The following CD163L1 variants were observed in gnomAD, a reference collection of about 807,000 sequenced individuals.
The protein encoded by CD163L1 is CD163 molecule like 1.
In CD163L1, 124 loss-of-function variants were observed where a neutral mutation model predicts 165.4. The observed-to-expected ratio is 0.75, with a 90% confidence interval of 0.65 to 0.87. CD163L1 has a LOEUF of 0.87. CD163L1 is among the 40% of genes least tolerant of loss of function. The pLI, the probability that CD163L1 is intolerant of heterozygous loss-of-function variation, is 0.00. For synonymous variants in CD163L1, 585 were observed against 662.2 expected, an observed-to-expected ratio of 0.88 and a Z score of 1.79; for missense variants, 1,525 against 1,799.9, an observed-to-expected ratio of 0.85 and a Z score of 2.76.
intron 8 of CD163L1, among the ~76,000 whole-genome samples, chr12:7,393,527 C>G (rs999882577): frequency 1.3e-5 from 2 of 152,184 alleles, no homozygotes; most frequent in Admixed American, 1.3e-4. Flanking sequence ...CAAGAATGCC[C>G]TCTCTTACCA....
At chr12:7,390,763 G>C (rs933808810) in intron 8 of CD163L1, among the ~76,000 whole-genome samples, 1 of 152,116 alleles carries the variant, frequency 6.6e-6, no homozygotes, top group African/African-American at 2.4e-5. Flanking sequence ...TATAGACTAA[G>C]GAATAAATAT....
chr12:7,389,410 CAGG>C (rs1336314076), intron 8 of CD163L1, among the ~76,000 whole-genome samples: 3 of 152,038 alleles, frequency 2.0e-5, no homozygotes, highest in African/African-American at 7.2e-5. Context: ...AAGCCAGGTA[CAGG>C]AAGGCAAACA....
chr12:7,323,813 T>C, the CD163L1 span, among the ~76,000 whole-genome samples: 1 of 152,090 alleles, frequency 6.6e-6, no homozygotes, highest in Non-Finnish European at 1.5e-5. Context: ...GTGCTAGAGG[T>C]AGAAGAGGGG....
At chr12:7,417,624 G>T (rs1018239405) in intron 4 of CD163L1, among the ~76,000 whole-genome samples, 7 of 152,056 alleles carry the variant, frequency 4.6e-5, no homozygotes, top group Non-Finnish European at 1.0e-4. Context: ...ACCATGAAGG[G>T]ATGTTGAATT....
intron 17 of CD163L1, 50 bp from the exon 18 acceptor site, chr12:7,367,381 C>G: frequency 8.2e-7 from 1 of 1,213,632 alleles, no homozygotes; most frequent in East Asian, 2.3e-5. Flanking sequence ...TGGCCTATCC[C>G]TTATATTAGG....
the CD163L1 span, among the ~76,000 whole-genome samples, chr12:7,331,707 C>A: frequency 1.3e-5 from 2 of 152,188 alleles, no homozygotes; most frequent in Non-Finnish European, 2.9e-5. Context: ...TTCCAACAGA[C>A]CTGCAGCTGA....
chr12:7,344,486 C>T (rs775470042), downstream of CD163L1, among the ~76,000 whole-genome samples: 1 of 152,222 alleles, frequency 6.6e-6, no homozygotes, highest in Non-Finnish European at 1.5e-5. Flanking sequence ...AGGCCTTGGG[C>T]AGCTCTGCCC....
At chr12:7,329,768 T>G in the CD163L1 span, among the ~76,000 whole-genome samples, 1 of 152,192 alleles carries the variant, frequency 6.6e-6, no homozygotes, top group African/African-American at 2.4e-5. Context: ...AAAACAAATT[T>G]TTTAATGAGT....
Position 7,400,299 on chromosome 12 carries a change from G to A in CD163L1, c.1409-1715C>T, listed in dbSNP as rs1221299813. 1.3e-5 allele frequency among the ~76,000 whole-genome samples: 2 copies of A among 152,174 alleles called. No individual in the cohort carries two copies. The highest frequency in any genetic ancestry group is 2.9e-5 in the Non-Finnish European group (2 of 68,022). ...AATGTATTCAATGTAGGTTAAATGT[G>A]TGGGGGTATGAACAGATATATGACG... is the stretch of plus-strand genomic sequence containing the variant. On this transcript the variant is annotated intron_variant, in intron 6 of 19. Transcript: ENST00000313599. This position sits in a 1 kb window ranked among gnomAD's most constrained non-coding sequence, Gnocchi z 4.1.
At chr12:7,413,062 C>T (rs1259148700) in intron 4 of CD163L1, among the ~76,000 whole-genome samples, 3 of 142,142 alleles carry the variant, frequency 2.1e-5, no homozygotes, top group South Asian at 2.3e-4. Context: ...TGCCACTGTA[C>T]TCCTGAGCGA....
At chr12:7,343,843 T>C (rs1215216855), downstream of CD163L1, among the ~76,000 whole-genome samples, 1 of 152,024 alleles carries the variant, frequency 6.6e-6, no homozygotes, top group Non-Finnish European at 1.5e-5. Context: ...TCCTCTAGAG[T>C]CTTAACTCAC....
chr12:7,364,820 T>C (rs1429955424), intron 18 of CD163L1, among the ~76,000 whole-genome samples: 2 of 152,020 alleles, frequency 1.3e-5, no homozygotes, highest in African/African-American at 4.8e-5. Flanking sequence ...TTCATGCTCA[T>C]AGATGGAAAG....
At chr12:7,439,180 G>A (rs1948780253) in intron 2 of CD163L1, 15 of 1,576,176 alleles carry the variant, frequency 9.5e-6, no homozygotes, top group Non-Finnish European at 1.3e-5. Flanking sequence ...CCGGAAAGGG[G>A]GAATCATTAA....
chr12:7,362,066 C>A (rs750841329), intron 18 of CD163L1, among the ~76,000 whole-genome samples: 3 of 149,810 alleles, frequency 2.0e-5, no homozygotes, highest in Non-Finnish European at 4.4e-5. Flanking sequence ...AGTTCATCTA[C>A]ATTCCATTGT....
At chr12:7,364,408 T>TA (rs1946968239) in intron 18 of CD163L1, among the ~76,000 whole-genome samples, 1 of 152,138 alleles carries the variant, frequency 6.6e-6, no homozygotes, top group African/African-American at 2.4e-5. Flanking sequence ...TCTTCACATT[T>TA]ATTCAACATA....
chr12:7,435,713 G>T (rs747331765), intron 2 of CD163L1, among the ~76,000 whole-genome samples: 1 of 151,970 alleles, frequency 6.6e-6, no homozygotes, highest in Admixed American at 6.5e-5. Context: ...CCTATAGACC[G>T]TAGTAAACTC....
chr12:7,345,546 C>T (rs1591858677), downstream of CD163L1, among the ~76,000 whole-genome samples: 1 of 152,186 alleles, frequency 6.6e-6, no homozygotes, highest in Admixed American at 6.5e-5. Flanking sequence ...GCAAACTTTC[C>T]CACATCTTCC....
intron 6 of CD163L1, among the ~76,000 whole-genome samples, chr12:7,401,605 G>A (rs1330030085): frequency 6.6e-6 from 1 of 151,922 alleles, no homozygotes. Flanking sequence ...ACATTATGAG[G>A]TAGTTAAATA....
At chr12:7,388,123 GA>G (rs1319014375) in intron 8 of CD163L1, among the ~76,000 whole-genome samples, 1 of 151,980 alleles carries the variant, frequency 6.6e-6, no homozygotes, top group African/African-American at 2.4e-5. Context: ...AAAATCAAAG[GA>G]AAATGGATTA....
Sources: allele counts gnomAD v4.1 joint callset (sites outside exome capture counted in the v4.1 genomes callset), GRCh38; gene constraint gnomAD v4.1.1; non-coding constraint Gnocchi (gnomAD v3.1); transcripts MANE v1.5; gene names NCBI Gene and HGNC (gene_info 2026-07-23, HGNC 2026-07-21).